CRACD: variants seen among roughly 807,000 people sequenced by gnomAD.
The protein encoded by CRACD is capping protein-inhibiting regulator of actin dynamics.
CRACD carries 56 observed loss-of-function variants against 106.8 expected under a neutral mutation model. That is an observed-to-expected ratio of 0.52 (90% confidence interval 0.42 to 0.66). CRACD has a LOEUF of 0.66. CRACD is among the 30% of genes least tolerant of loss of function. The pLI is 0.00. For synonymous variants in CRACD, 754 were observed against 670.8 expected (o/e 1.12, Z -1.92); for missense variants, 1,730 against 1,623.2 (o/e 1.07, Z -1.13).
chr4:56,261,232 A>C (rs925681498), intron 2 of CRACD, among the ~76,000 whole-genome samples: 1 of 152,130 alleles, frequency 6.6e-6, no homozygotes, highest in African/African-American at 2.4e-5. Context: ...CTGAAACTCA[A>C]GCGGTGGCGG....
intron 1 of CRACD, among the ~76,000 whole-genome samples, chr4:56,151,724 T>G (rs1000570157): frequency 2.6e-5 from 4 of 152,168 alleles, no homozygotes; most frequent in African/African-American, 9.7e-5. Flanking sequence ...GTCTCTAATC[T>G]GGAACCATTC....
Position 56,155,367 on chromosome 4 carries a change from TA to T in CRACD, c.-335-23914del, listed in dbSNP as rs567826287. 1.6e-4 allele frequency among the ~76,000 whole-genome samples: 25 copies of T among 152,324 alleles called. No homozygotes were observed. In the East Asian group the frequency reaches 4.4e-3, roughly 27 times the overall value. On this transcript the variant is annotated intron_variant, in intron 1 of 10. Coordinates refer to ENST00000682029, the MANE Select transcript of CRACD (RefSeq NM_001393381.1). Reference sequence around the variant, plus strand: ...CAACCTCATTGTCAATGGGTGGACGTAAATAATTCTCTTGTAGGATCCTGCA... The same window carrying T: ...CAACCTCATTGTCAATGGGTGGACGTAATAATTCTCTTGTAGGATCCTGCA...
chr4:56,115,400 G>A (rs1577970607), intron 1 of CRACD, among the ~76,000 whole-genome samples: 1 of 152,096 alleles, frequency 6.6e-6, no homozygotes, highest in East Asian at 1.9e-4. Context: ...TTTGTAGATG[G>A]AAATAATTGC....
intron 5 of CRACD, chr4:56,308,704 C>T: frequency 1.0e-6 from 1 of 979,248 alleles, no homozygotes; most frequent in African/African-American, 1.7e-5. Flanking sequence ...CACCTGGCAC[C>T]CACGCATTGA....
At chr4:56,073,140 C>T (rs936537516) in intron 1 of CRACD, among the ~76,000 whole-genome samples, 1 of 152,174 alleles carries the variant, frequency 6.6e-6, no homozygotes, top group Non-Finnish European at 1.5e-5. Context: ...ATGGCTGGGT[C>T]AAATGGTATT....
At chr4:56,312,308 C>T (rs1384461120) in intron 6 of CRACD, among the ~76,000 whole-genome samples, 1 of 152,064 alleles carries the variant, frequency 6.6e-6, no homozygotes, top group Non-Finnish European at 1.5e-5. Context: ...CAGGTGTGCA[C>T]CACCACACCC....
chr4:56,270,572 C>T (rs918063909), intron 2 of CRACD, among the ~76,000 whole-genome samples: 3 of 152,028 alleles, frequency 2.0e-5, no homozygotes, highest in Non-Finnish European at 2.9e-5. Flanking sequence ...CTTCTTGTTG[C>T]GAGCCTCTAT....
rs1263487495 is a variant in CRACD at position 56,307,667 on chromosome 4, C to T, written c.253C>T (p.Gln85Ter). Residue 85 changes from glutamine (Q) to a stop codon, truncating the protein, a stop_gained, in exon 5 of 11, where the codon CAG becomes TAG. Transcript: ENST00000682029. LOFTEE classifies it high-confidence loss of function. The stretch of plus-strand genomic sequence containing the variant: ...CAGTCCCATGGAAATTGTGACTCAG[C>T]AGGACATCGTCCTCTCAGACGCAGA... ...LTSPMEIVTQ[Q>*]DIVLSDAENK... is the part of the protein sequence containing the mutation. 1.2e-6 allele frequency: 2 copies of T among 1,614,060 alleles called. No individual in the cohort carries two copies. Among genetic ancestry groups the T allele is most frequent in the African/African-American group, 2.7e-5 (2 of 74,936 alleles).
At chr4:56,067,333 C>T (rs1173026560) in intron 1 of CRACD, among the ~76,000 whole-genome samples, 7 of 152,130 alleles carry the variant, frequency 4.6e-5, no homozygotes, top group South Asian at 2.1e-4. Flanking sequence ...GCGGCTAGTG[C>T]GACTTTGTGC....
intron 4 of CRACD, among the ~76,000 whole-genome samples, chr4:56,306,680 A>G (rs573431017): frequency 6.6e-6 from 1 of 152,272 alleles, no homozygotes; most frequent in East Asian, 1.9e-4. Context: ...TTCTGGAGAC[A>G]TTTTTGCTTT....
chr4:56,188,216 C>T (rs1209933420), intron 2 of CRACD, among the ~76,000 whole-genome samples: 4 of 152,034 alleles, frequency 2.6e-5, no homozygotes, highest in African/African-American at 7.2e-5. Context: ...TTTCAAAAAT[C>T]GATATCATTT....
chr4:56,072,475 T>C (rs1732693314), intron 1 of CRACD, among the ~76,000 whole-genome samples: 1 of 152,200 alleles, frequency 6.6e-6, no homozygotes, highest in Non-Finnish European at 1.5e-5. Flanking sequence ...AACACAGCCT[T>C]ATTGAGATAT....
chr4:56,068,517 G>A (rs538338047), intron 1 of CRACD, among the ~76,000 whole-genome samples: 2 of 152,298 alleles, frequency 1.3e-5, no homozygotes, highest in Non-Finnish European at 2.9e-5. Flanking sequence ...CTAAGGATCT[G>A]TCTAGCATTG....
chr4:56,059,398 C>G lies in CRACD; in HGVS notation c.-336+10099C>G, dbSNP rs1466476625. Among the ~76,000 whole-genome samples, 3 of 152,340 alleles carry G rather than the reference C, an allele frequency of 2.0e-5. No homozygotes were observed. The East Asian group carries it at 5.8e-4, about 29-fold the overall frequency. On this transcript the variant is annotated intron_variant, in intron 1 of 10. Transcript: ENST00000682029. ...GGCTGAGGTGTATGGATTGCTTGAG[C>G]CTGGAAGTTCGAGGCTACAGTGAGC...
chr4:56,062,426 T>A (rs747643920), intron 1 of CRACD, among the ~76,000 whole-genome samples: 17 of 152,246 alleles, frequency 1.1e-4, no homozygotes, highest in Non-Finnish European at 2.2e-4. Context: ...AACATTCATC[T>A]TGGCCCTAAA....
intron 1 of CRACD, among the ~76,000 whole-genome samples, chr4:56,085,500 G>A (rs529923486): frequency 6.6e-6 from 1 of 152,254 alleles, no homozygotes; most frequent in African/African-American, 2.4e-5. Flanking sequence ...AAACATCTCT[G>A]CCTTACTGGG....
At chr4:56,189,995 G>T (rs1737296250) in intron 2 of CRACD, among the ~76,000 whole-genome samples, 1 of 102,692 alleles carries the variant, frequency 9.7e-6, no homozygotes, top group Admixed American at 1.5e-4. Context: ...ACAGTCCCCA[G>T]AGTGTGATGT....
At chr4:56,102,963 C>T (rs1733827005) in intron 1 of CRACD, among the ~76,000 whole-genome samples, 1 of 152,190 alleles carries the variant, frequency 6.6e-6, no homozygotes, top group South Asian at 2.1e-4. Flanking sequence ...CCTTAGCACT[C>T]ATCACAGTTG....
At chr4:56,181,499 A>G (rs578209214) in intron 2 of CRACD, among the ~76,000 whole-genome samples, 1 of 152,302 alleles carries the variant, frequency 6.6e-6, no homozygotes, top group Non-Finnish European at 1.5e-5. Flanking sequence ...CACACAAAAT[A>G]CATACATTAG....
Sources: allele counts gnomAD v4.1 joint callset (sites outside exome capture counted in the v4.1 genomes callset), GRCh38; gene constraint gnomAD v4.1.1; transcripts MANE v1.5; gene names NCBI Gene and HGNC (gene_info 2026-07-23, HGNC 2026-07-21).